The following NLGN4X variants were observed in gnomAD, a reference collection of about 807,000 sequenced individuals.
The protein encoded by NLGN4X is neuroligin 4 X-linked, also known as neuroligin-4, X-linked.
A neutral mutation model predicts 40.3 loss-of-function variants in NLGN4X; 3 were observed. That is an observed-to-expected ratio of 0.07 (90% CI 0.03 to 0.19). The LOEUF is 0.19. NLGN4X is among the 10% of genes least tolerant of loss of function. The pLI is 1.00. For synonymous variants in NLGN4X, 270 were observed against 306.8 expected, an observed-to-expected ratio of 0.88 and a Z score of 1.25; for missense variants, 382 against 708.3, an observed-to-expected ratio of 0.54 and a Z score of 5.23.
chrX:6,009,856 C>A (rs746090504), intron 3 of NLGN4X, among the ~76,000 whole-genome samples: 68 of 112,399 alleles, frequency 6.0e-4, no homozygotes, highest in Admixed American at 4.3e-3. Flanking sequence ...TCAGCCAGAT[C>A]CAAGAGAATC....
At chrX:5,934,294 A>T (rs1371867214) in intron 3 of NLGN4X, among the ~76,000 whole-genome samples, 2 of 111,931 alleles carry the variant, frequency 1.8e-5, no homozygotes, top group Non-Finnish European at 3.8e-5. Context: ...TATTCACAAT[A>T]TACATCTCAA....
chrX:6,219,174 T>TATAC lies in NLGN4X; in HGVS notation c.-306+9366_-306+9367insGTAT, dbSNP rs1556012855. On this transcript the variant is annotated intron_variant, in intron 1 of 5. Coordinates refer to ENST00000381095, the MANE Select transcript of NLGN4X (RefSeq NM_181332.3). Reference sequence around the variant, plus strand: ...ATGTGTGTGTGTGTATATATATATATACACACACACAAACCATATATATAG... The same window carrying TATAC: ...ATGTGTGTGTGTGTATATATATATATATACACACACACACAAACCATATATATAG... 1.9e-3 allele frequency among the ~76,000 whole-genome samples: 185 copies of TATAC among 99,439 alleles called. 1 individual carries two copies. The highest frequency in any genetic ancestry group is 3.7e-3 in the Admixed American group (33 of 8,853). The allele number at this position is 99,439 out of a possible 115,157, so 86.4% of individuals were successfully genotyped here.
intron 2 of NLGN4X, among the ~76,000 whole-genome samples, chrX:6,148,805 C>T (rs1333572929): frequency 1.8e-5 from 2 of 111,814 alleles, no homozygotes; most frequent in African/African-American, 6.5e-5. Context: ...TGAGCCACCG[C>T]GCCTGGCCTG....
At chrX:6,052,475 TG>T (rs916790197) in intron 2 of NLGN4X, among the ~76,000 whole-genome samples, 1 of 112,123 alleles carries the variant, frequency 8.9e-6, no homozygotes, top group Non-Finnish European at 1.9e-5. Context: ...ATGTGAATTC[TG>T]TTAGGGACCC....
chrX:6,225,681 CTTTTTTTCTTTTTTTTTTTTT>C (rs1926174313), intron 1 of NLGN4X, among the ~76,000 whole-genome samples: 14 of 33,805 alleles, frequency 4.1e-4, no homozygotes, highest in East Asian at 3.1e-3. Flanking sequence ...TTTTTTCTTT[CTTTTTTTCTTTTTTTTTTTTT>C]TTTTTTTTTT....
At chrX:6,099,328 G>A (rs2038855419) in intron 2 of NLGN4X, among the ~76,000 whole-genome samples, 1 of 112,335 alleles carries the variant, frequency 8.9e-6, no homozygotes, top group Admixed American at 9.4e-5. Flanking sequence ...AGAGCAGCAA[G>A]TCCTGTGTAT....
chrX:6,183,546 C>CAA (rs532961024), intron 1 of NLGN4X, among the ~76,000 whole-genome samples: 1,519 of 90,221 alleles, frequency 0.017, 39 homozygotes, highest in African/African-American at 0.057. Context: ...GACTCCGTCT[C>CAA]AAAAAAAAAA....
intron 3 of NLGN4X, among the ~76,000 whole-genome samples, chrX:6,013,688 C>T (rs1203230667): frequency 9.1e-6 from 1 of 109,523 alleles, no homozygotes; most frequent in East Asian, 2.9e-4. Context: ...GTGAAACCCC[C>T]TCTGTAAACA....
chrX:6,089,653 T>C (rs1159975291), intron 2 of NLGN4X, among the ~76,000 whole-genome samples: 1 of 111,924 alleles, frequency 8.9e-6, no homozygotes, highest in Non-Finnish European at 1.9e-5. Context: ...CCCAAAGGGG[T>C]ATGTGTTGGG....
intron 3 of NLGN4X, among the ~76,000 whole-genome samples, chrX:6,005,585 G>C (rs2036084442): frequency 9.0e-6 from 1 of 111,008 alleles, no homozygotes; most frequent in Admixed American, 9.6e-5. Flanking sequence ...AAGCCTCAAC[G>C]TCTCTCTCAT....
chrX:5,977,042 A>C (rs1412783474), intron 3 of NLGN4X, among the ~76,000 whole-genome samples: 2 of 112,608 alleles, frequency 1.8e-5, no homozygotes, highest in African/African-American at 6.5e-5. Context: ...TTGGTCTCAC[A>C]TACTGGAGCA....
chrX:6,118,208 G>A (rs1000493084), intron 2 of NLGN4X, among the ~76,000 whole-genome samples: 1 of 109,893 alleles, frequency 9.1e-6, no homozygotes, highest in Non-Finnish European at 1.9e-5. Flanking sequence ...CATTCATTGT[G>A]TTGGAAATGC....
intron 2 of NLGN4X, among the ~76,000 whole-genome samples, chrX:6,076,175 A>G (rs1477468854): frequency 9.0e-6 from 1 of 111,690 alleles, no homozygotes; most frequent in East Asian, 2.8e-4. Context: ...TGCACTAGAG[A>G]AAGAAACAAA....
intron 3 of NLGN4X, among the ~76,000 whole-genome samples, chrX:6,017,253 T>C (rs990334169): frequency 2.7e-5 from 3 of 111,725 alleles, no homozygotes; most frequent in African/African-American, 9.7e-5. Flanking sequence ...CCAGAGAAAA[T>C]GCTTATGACA....
intron 3 of NLGN4X, among the ~76,000 whole-genome samples, chrX:5,910,565 G>A (rs1006390945): frequency 9.0e-6 from 1 of 110,933 alleles, no homozygotes; most frequent in African/African-American, 3.3e-5. Context: ...CAAAGTTGAC[G>A]GCATTCCAAG....
intron 3 of NLGN4X, among the ~76,000 whole-genome samples, chrX:5,923,173 C>T (rs754957444): frequency 2.7e-5 from 3 of 111,956 alleles, no homozygotes. Flanking sequence ...GCTGAAGTGG[C>T]GCCATCTCGG....
chrX:6,130,236 C>T (rs1016897372), intron 2 of NLGN4X, among the ~76,000 whole-genome samples: 1 of 111,258 alleles, frequency 9.0e-6, no homozygotes, highest in Non-Finnish European at 1.9e-5. Flanking sequence ...TTAAAAAATG[C>T]CAATCTTGAT....
chrX:6,214,943 A>G (rs5916335), intron 1 of NLGN4X, among the ~76,000 whole-genome samples: 44,346 of 110,632 alleles, frequency 0.4, 7,782 homozygotes, highest in African/African-American at 0.69. Context: ...GAGCGGGGTT[A>G]GAAACAGCTA....
chrX:6,051,906 C>T (rs1343823064), intron 2 of NLGN4X, among the ~76,000 whole-genome samples: 1 of 110,733 alleles, frequency 9.0e-6, no homozygotes, highest in African/African-American at 3.3e-5. Flanking sequence ...GGATGGGATG[C>T]CATTGCCTTG....
Sources: allele counts gnomAD v4.1 joint callset (sites outside exome capture counted in the v4.1 genomes callset), GRCh38; gene constraint gnomAD v4.1.1; transcripts MANE v1.5; gene names NCBI Gene and HGNC (gene_info 2026-07-23, HGNC 2026-07-21).